The following HMBOX1 variants were observed in gnomAD, a reference collection of about 807,000 sequenced individuals.
HMBOX1 encodes homeobox-containing protein 1.
A neutral mutation model predicts 54.5 loss-of-function variants in HMBOX1; 14 were observed. That is an observed-to-expected ratio of 0.26 (90% CI 0.17 to 0.40). The LOEUF (loss-of-function observed/expected upper bound fraction) is 0.40. HMBOX1 is among the 10% of genes least tolerant of loss of function. The probability of loss-of-function intolerance (pLI) is 1.00; values close to 1 mark genes in which losing one functional copy is unlikely to be tolerated. For synonymous variants in HMBOX1, 160 were observed against 181.0 expected, an observed-to-expected ratio of 0.88 and a Z score of 0.93; for missense variants, 332 against 514.4, an observed-to-expected ratio of 0.65 and a Z score of 3.43.
intron 1 of HMBOX1, among the ~76,000 whole-genome samples, chr8:28,904,719 CA>C (rs1280278959): frequency 6.6e-6 from 1 of 151,770 alleles, no homozygotes; most frequent in Non-Finnish European, 1.5e-5. Context: ...CTCTGTCACC[CA>C]GGCTGGAGTG....
At chr8:28,968,822 A>T (rs980154547) in intron 2 of HMBOX1, among the ~76,000 whole-genome samples, 5 of 152,216 alleles carry the variant, frequency 3.3e-5, no homozygotes, top group African/African-American at 7.2e-5. Context: ...AATAAATATC[A>T]AAATAGAAGA....
At chr8:28,992,456 A>G (rs1399806364) in intron 4 of HMBOX1, among the ~76,000 whole-genome samples, 3 of 152,196 alleles carry the variant, frequency 2.0e-5, no homozygotes. Context: ...GAGGCTAAAT[A>G]TGTTAACCAT....
chr8:28,971,619 A>G (rs1827432566), intron 3 of HMBOX1, among the ~76,000 whole-genome samples: 1 of 152,338 alleles, frequency 6.6e-6, no homozygotes, highest in Non-Finnish European at 1.5e-5. Flanking sequence ...AATTAAGGGA[A>G]TAGTAAAGGG....
At chr8:28,942,682 T>C (rs1236682594) in intron 1 of HMBOX1, among the ~76,000 whole-genome samples, 3 of 152,242 alleles carry the variant, frequency 2.0e-5, no homozygotes, top group African/African-American at 7.2e-5. Context: ...TGTTTCATAT[T>C]AGCACATAAC....
chr8:29,007,212 C>G (rs1833586213), intron 4 of HMBOX1, among the ~76,000 whole-genome samples: 1 of 151,824 alleles, frequency 6.6e-6, no homozygotes, highest in South Asian at 2.1e-4. Flanking sequence ...TCGCTTGAAC[C>G]CAGGAGGTGG....
chr8:29,015,085 C>T (rs1174820453), intron 5 of HMBOX1, among the ~76,000 whole-genome samples: 1 of 152,046 alleles, frequency 6.6e-6, no homozygotes, highest in Non-Finnish European at 1.5e-5. Context: ...TTTATTTCAT[C>T]TGAATTTCCT....
chr8:29,020,199 A>C (rs1325204751), intron 6 of HMBOX1, among the ~76,000 whole-genome samples: 3 of 152,184 alleles, frequency 2.0e-5, no homozygotes, highest in Non-Finnish European at 4.4e-5. Context: ...TGAGAATTAA[A>C]ATAATGTCTA....
intron 6 of HMBOX1, among the ~76,000 whole-genome samples, chr8:29,030,799 T>A (rs917642013): frequency 6.6e-6 from 1 of 152,224 alleles, no homozygotes; most frequent in Admixed American, 6.5e-5. Flanking sequence ...GAAGAGCAGT[T>A]CTTCAGGACT....
chr8:28,983,406 C>T (rs1050827915), intron 4 of HMBOX1, among the ~76,000 whole-genome samples: 1 of 152,168 alleles, frequency 6.6e-6, no homozygotes, highest in Non-Finnish European at 1.5e-5. Context: ...ATACCTTTCA[C>T]CTCCTCATCT....
chr8:28,995,132 A>G (rs1831596133), intron 4 of HMBOX1, among the ~76,000 whole-genome samples: 1 of 152,222 alleles, frequency 6.6e-6, no homozygotes, highest in South Asian at 2.1e-4. Context: ...AGTCTAACAT[A>G]GAAACCCATG....
chr8:28,908,952 T>C (rs1814877400), intron 1 of HMBOX1, among the ~76,000 whole-genome samples: 1 of 151,896 alleles, frequency 6.6e-6, no homozygotes, highest in Non-Finnish European at 1.5e-5. Context: ...TTTTAAAAAT[T>C]AGCTGCGTGT....
chr8:28,939,730 G>A (rs10089955), intron 1 of HMBOX1, among the ~76,000 whole-genome samples: 2,810 of 152,020 alleles, frequency 0.018, 81 homozygotes, highest in African/African-American at 0.065. Context: ...GGCTGGTCTC[G>A]AACTCCTGGC....
At chr8:29,038,085 C>A (rs1804199990) in intron 6 of HMBOX1, among the ~76,000 whole-genome samples, 1 of 152,180 alleles carries the variant, frequency 6.6e-6, no homozygotes, top group South Asian at 2.1e-4. Flanking sequence ...GAGAGTCAGT[C>A]TCTGTCTTTT....
At chr8:28,960,333 G>A (rs1825235603) in intron 1 of HMBOX1, among the ~76,000 whole-genome samples, 1 of 147,478 alleles carries the variant, frequency 6.8e-6, no homozygotes, top group African/African-American at 2.7e-5. Flanking sequence ...TTGATCCAAG[G>A]GTTATTTATG....
intron 1 of HMBOX1, among the ~76,000 whole-genome samples, chr8:28,925,423 T>C (rs1195794928): frequency 6.6e-6 from 1 of 152,236 alleles, no homozygotes; most frequent in East Asian, 1.9e-4. Context: ...GGCAGCCATG[T>C]AGTTATTGTT....
At chr8:29,035,440 A>C (rs1294439397) in intron 6 of HMBOX1, among the ~76,000 whole-genome samples, 1 of 151,810 alleles carries the variant, frequency 6.6e-6, no homozygotes, top group Non-Finnish European at 1.5e-5. Flanking sequence ...CACCTTACAA[A>C]CCTCTTTGGT....
intron 8 of HMBOX1, 109 bp downstream of exon 8, chr8:29,047,562 C>CTAT: frequency 2.4e-6 from 1 of 414,454 alleles, no homozygotes; most frequent in Non-Finnish European, 4.2e-6. Context: ...ATCCTAACTT[C>CTAT]TCTTTTTTTT....
chr8:28,974,050 G>T (rs1262217288), intron 3 of HMBOX1, among the ~76,000 whole-genome samples: 1 of 152,024 alleles, frequency 6.6e-6, no homozygotes, highest in Non-Finnish European at 1.5e-5. Context: ...CTGGCCTCAA[G>T]TGATCCGCCC....
intron 1 of HMBOX1, among the ~76,000 whole-genome samples, chr8:28,903,339 C>G (rs1229501311): frequency 6.6e-6 from 1 of 152,202 alleles, no homozygotes; most frequent in African/African-American, 2.4e-5. Context: ...ATTTATCTAC[C>G]TTGGTGAGTA....
Sources: gnomAD v4.1 joint callset for allele counts (sites outside exome capture counted in the v4.1 genomes callset) on GRCh38, gnomAD v4.1.1 for gene constraint, MANE v1.5 for transcripts, NCBI Gene and HGNC (gene_info 2026-07-23, HGNC 2026-07-21) for gene names.